KRT84: variants seen among roughly 807,000 people sequenced by gnomAD.
KRT84 encodes keratin, type II cuticular Hb4.
A neutral mutation model predicts 49.0 loss-of-function variants in KRT84; 38 were observed. That is an observed-to-expected ratio of 0.78 (90% CI 0.60 to 1.02). KRT84 has a LOEUF of 1.02. KRT84 is among the 50% of genes least tolerant of loss of function. The pLI is 0.00. For synonymous variants in KRT84, 334 were observed against 312.8 expected, an observed-to-expected ratio of 1.07 and a Z score of -0.72; for missense variants, 860 against 788.6, an observed-to-expected ratio of 1.09 and a Z score of -1.08.
intron 8 of KRT84, among the ~76,000 whole-genome samples, chr12:52,379,425 G>T (rs1791616): frequency 0.095 from 14,491 of 152,228 alleles, 1,331 homozygotes; most frequent in African/African-American, 0.24. Context: ...TGCCATGCCC[G>T]GCACACTGCC....
chr12:52,384,211 G>A lies in KRT84; in HGVS notation c.547-413C>T, dbSNP rs369478515. Among the ~76,000 whole-genome samples the A allele has an allele frequency of 3.3e-5, 5 of 152,116 alleles. No individual in the cohort carries two copies. The East Asian group carries it at 7.8e-4, about 24-fold the overall frequency. On this transcript the variant is annotated intron_variant, in intron 1 of 8. Transcript: ENST00000257951. ...GGTGGGATATGGTACTGGGAGGTAGGAATTCTCAGATTGTAAGTCCTATCC... is the reference window on the plus strand; with the variant it reads ...GGTGGGATATGGTACTGGGAGGTAGAAATTCTCAGATTGTAAGTCCTATCC...
chr12:52,381,926 T>C (rs946516673), intron 4 of KRT84, among the ~76,000 whole-genome samples: 2 of 152,180 alleles, frequency 1.3e-5, no homozygotes, highest in Non-Finnish European at 1.5e-5. Flanking sequence ...AATTCCTATA[T>C]CCCAAGCCCT....
chr12:52,379,911 G>C lies in KRT84; in HGVS notation c.1425-4C>G. The C allele has an allele frequency of 1.9e-6, 3 of 1,611,000 alleles. No homozygotes were observed. Among genetic ancestry groups the C allele is most frequent in the Non-Finnish European group, 2.5e-6 (3 of 1,177,306 alleles). On this transcript the variant is annotated splice_region_variant and splice_polypyrimidine_tract_variant and intron_variant, in intron 7 of 8. Transcript: ENST00000257951. ...TGGTCCAACACCTTCACAGAGCCTG[G>C]AAAGGGGAAGAAACAAATCATTTCA...
At chr12:52,383,843 G>A in intron 1 of KRT84, 45 bp from the exon 2 acceptor site, 4 of 1,517,494 alleles carry the variant, frequency 2.6e-6, no homozygotes, top group Non-Finnish European at 3.6e-6. Flanking sequence ...TGCTTGATAG[G>A]GTTCATGCCT....
rs754394359 is a variant in KRT84, at chr12:52,385,453, G to C, written c.133C>G (p.Arg45Gly). 8.1e-6 allele frequency: 13 copies of C among 1,614,196 alleles called. No homozygotes were observed. The South Asian group carries it at 1.4e-4, about 18-fold the overall frequency. ...SVSCWSGPGF[R>G]GLGSFGSRSV... ...CGACTACCAAAGCTGCCAAGGCCCC[G>C]GAATCCAGGCCCACTCCAACAGGAG... The change falls in exon 1 of 9, where the codon CGG (arginine) becomes GGG (glycine). Residue 45 changes from arginine to glycine, a missense_variant. Physicochemically the swap from Arg to Gly is moderately radical, Grantham distance 125. Transcript: ENST00000257951.
chr12:52,379,796 C>T lies in KRT84; in HGVS notation c.1456+80G>A, dbSNP rs1220985624. 8.1e-6 allele frequency: 10 copies of T among 1,241,436 alleles called. No homozygotes were observed. In the East Asian group the frequency reaches 1.9e-4, roughly 24 times the overall value. 76.9% of individuals were successfully genotyped at this position (1,241,436 alleles called of 1,614,324 possible). A position where few individuals can be genotyped will look rare whatever the true frequency, so the allele number is the denominator to read the frequency against. ...CCAGACCGGCCATGTCGGACGCCTC[C>T]TGACCCCAGTGTGAGCCTGAGTTTA... On this transcript the variant is annotated intron_variant, in intron 8 of 8. Coordinates refer to ENST00000257951, the MANE Select transcript of KRT84 (RefSeq NM_033045.4).
Position 52,385,194 on chromosome 12 carries a change from A to G in KRT84, c.392T>C (p.Val131Ala). The part of the protein sequence containing the change: ...GFGYRVGGVG[V>A]PAAPSITAVT... ...AGCTGTGATAGATGGGGCTGCTGGG[A>G]CTCCAACCCCTCCAACTCTGTAACC... The change falls in exon 1 of 9, where the codon GTC becomes GCC. Residue 131 changes from valine to alanine, a missense_variant. Coordinates refer to ENST00000257951, the MANE Select transcript of KRT84 (RefSeq NM_033045.4). The G allele has an allele frequency of 6.2e-7, 1 of 1,610,088 alleles. No homozygotes were observed. The highest frequency in any genetic ancestry group is 8.5e-7 in the Non-Finnish European group (1 of 1,177,408).
rs755481192 is a variant in KRT84 at position 52,382,534 on chromosome 12, T to G, written c.817-2A>C. The G allele has an allele frequency of 3.1e-6, 5 of 1,610,312 alleles. No individual in the cohort carries two copies. Among genetic ancestry groups the G allele is most frequent in the Non-Finnish European group, 3.4e-6 (4 of 1,176,512 alleles). On this transcript the variant is annotated splice_acceptor_variant, in intron 3 of 8. Coordinates refer to ENST00000257951, the MANE Select transcript of KRT84 (RefSeq NM_033045.4). LOFTEE classifies it high-confidence loss of function. ...GTTCATGAAAGCTGCATCCACATCC[T>G]GTATAAAACAGAGAAGGATAAATAC...
Position 52,380,449 on chromosome 12 carries a change from G to C in KRT84, c.1338C>G (p.Cys446Trp). ...QAKQDMARQL[C>W]EYQELMNAKL... is the part of the protein sequence containing the mutation. ...TGGCATTCATCAGCTCCTGGTACTC[G>C]CACAGCTGCCGCGCCATGTCCTGCT... The change falls in exon 7 of 9, where the codon TGC becomes TGG. Residue 446 changes from cysteine to tryptophan, a missense_variant. Cys to Trp is a radical substitution (Grantham distance 215, BLOSUM62 -2). Coordinates refer to ENST00000257951, the MANE Select transcript of KRT84 (RefSeq NM_033045.4). 2 of 1,614,160 alleles carry C rather than the reference G, an allele frequency of 1.2e-6. No homozygotes were observed. Among genetic ancestry groups the C allele is most frequent in the South Asian group, 1.1e-5 (1 of 91,076 alleles).
chr12:52,383,126 C>A, intron 2 of KRT84, 61 bp from the exon 3 acceptor site: 3 of 1,371,788 alleles, frequency 2.2e-6, no homozygotes, highest in Non-Finnish European at 3.1e-6. Flanking sequence ...TTACTCCCAA[C>A]TCCCCAGTGA....
chr12:52,383,674 T>G lies in KRT84; in HGVS notation c.671A>C (p.Gln224Pro). 6.2e-7 allele frequency: 1 copy of G among 1,614,204 alleles called. No homozygotes were observed. The highest frequency in any genetic ancestry group is 8.5e-7 in the Non-Finnish European group (1 of 1,180,030). ...CTGATCACTGACCAGCACCTCCAAC[T>G]GCCTCCGCAGGTTGGTGATGTAGCT... is the stretch of plus-strand genomic sequence containing the variant. ...FESYITNLRR[Q>P]LEVLVSDQAR... is the part of the protein sequence containing the mutation. The change falls in exon 2 of 9, where the codon CAG (glutamine) becomes CCG (proline). Residue 224 changes from glutamine (Q) to proline (P), a missense_variant. Gln to Pro is a moderately conservative substitution (Grantham distance 76). Coordinates refer to ENST00000257951, the MANE Select transcript of KRT84 (RefSeq NM_033045.4).
Position 52,383,706 on chromosome 12 carries a change from G to A in KRT84, c.639C>T (p.Leu213=), listed in dbSNP as rs750830954. ...QKCIRSNLEP[L]FESYITNLRR... Reference sequence around the variant, plus strand: ...GCAGGTTGGTGATGTAGCTCTCGAAGAGTGGCTCCAGATTGCTCCTGATAC... The same window carrying A: ...GCAGGTTGGTGATGTAGCTCTCGAAAAGTGGCTCCAGATTGCTCCTGATAC... The change falls in exon 2 of 9, where the codon CTC becomes CTT. Residue 213 remains leucine, a synonymous_variant. Coordinates refer to ENST00000257951, the MANE Select transcript of KRT84 (RefSeq NM_033045.4). 3 of 1,614,186 alleles carry A rather than the reference G, an allele frequency of 1.9e-6. No homozygotes were observed. Among genetic ancestry groups the A allele is most frequent in the Non-Finnish European group, 2.5e-6 (3 of 1,180,014 alleles).
In KRT84 at chr12:52,381,403, G is replaced by A; in HGVS notation, c.1035C>T (p.Ala345=). 1 of 1,614,172 alleles carries A rather than the reference G, an allele frequency of 6.2e-7. No homozygotes were observed. Among genetic ancestry groups the A allele is most frequent in the Non-Finnish European group, 8.5e-7 (1 of 1,180,036 alleles). ...AEVKAQYEEV[A]RRSRADAEAW... is the part of the protein sequence containing the mutation. ...CCTCAGCATCAGCCCGGCTGCGCCTGGCCACCTCCTCATACTGGGCCTTGA... is the reference window on the plus strand; with the variant it reads ...CCTCAGCATCAGCCCGGCTGCGCCTAGCCACCTCCTCATACTGGGCCTTGA... Residue 345 remains alanine, a synonymous_variant, in exon 5 of 9, where the codon GCC becomes GCT. Transcript: ENST00000257951.
chr12:52,378,320 G>A lies in KRT84; in HGVS notation c.1517C>T (p.Thr506Ile), dbSNP rs981541080. 3.3e-6 allele frequency: 5 copies of A among 1,531,770 alleles called. No homozygotes were observed. Among genetic ancestry groups the A allele is most frequent in the African/African-American group, 1.4e-5 (1 of 72,578 alleles). The allele number at this position is 1,531,770 out of a possible 1,614,324, so 94.9% of individuals were successfully genotyped here. Residue 506 changes from threonine (T) to isoleucine (I), a missense_variant, in exon 9 of 9, where the codon ACC (threonine) becomes ATC (isoleucine). By Grantham distance (89) the Thr-to-Ile change is moderately conservative (BLOSUM62 -1). Transcript: ENST00000257951. ...CGPEPLVAGS[T>I]LSRGGVTFSG... ...GAAGGTGACCCCGCCGCGGGAGAGG[G>A]TGGAGCCGGCAACCAAAGGCTCAGG...
At chr12:52,386,925 G>A (rs1318258666), upstream of KRT84, among the ~76,000 whole-genome samples, 1 of 152,156 alleles carries the variant, frequency 6.6e-6, no homozygotes, top group Non-Finnish European at 1.5e-5. Context: ...GGGGATGTAT[G>A]CTTTTGACCA....
rs374821461 is a variant in KRT84 at position 52,379,869 on chromosome 12, T to C, written c.1456+7A>G. Reference sequence around the variant, plus strand: ...AATGTGTGAAGAGGAAAAAACAAGTTTCTTACATATGTTTACTGGTCCAAC... The same window carrying C: ...AATGTGTGAAGAGGAAAAAACAAGTCTCTTACATATGTTTACTGGTCCAAC... On this transcript the variant is annotated splice_region_variant and intron_variant, in intron 8 of 8. Transcript: ENST00000257951. 1.2e-6 allele frequency: 2 copies of C among 1,609,434 alleles called. No homozygotes were observed. The highest frequency in any genetic ancestry group is 8.5e-7 in the Non-Finnish European group (1 of 1,175,932).
At position 52,383,722 on chromosome 12, in the gene KRT84, C is replaced by T. The variant is rs1251320907; in HGVS notation, c.623G>A (p.Ser208Asn). ...GCTCTCGAAGAGTGGCTCCAGATTG[C>T]TCCTGATACATTTCTGCTCTTGGAG... ...SFLQEQKCIR[S>N]NLEPLFESYI... is the part of the protein sequence containing the mutation. Residue 208 changes from serine (S) to asparagine (N), a missense_variant, in exon 2 of 9, where the codon AGC (serine) becomes AAC (asparagine). Transcript: ENST00000257951. 4 of 1,614,120 alleles carry T rather than the reference C, an allele frequency of 2.5e-6. No homozygotes were observed. Among genetic ancestry groups the T allele is most frequent in the Non-Finnish European group, 3.4e-6 (4 of 1,179,976 alleles).
Position 52,381,186 on chromosome 12 carries a change from G to A in KRT84, c.1097C>T (p.Thr366Ile). The change falls in exon 6 of 9, where the codon ACA becomes ATA. Residue 366 changes from threonine to isoleucine, a missense_variant. Physicochemically the swap from Thr to Ile is moderately conservative, Grantham distance 89. Transcript: ENST00000257951. ...YQTKYEEMQV[T>I]AGQHCDNLRN... Reference sequence around the variant, plus strand: ...CAGGTTGTCACAGTGTTGGCCAGCTGTCACCTGCATCTCTTCATACTGCGG... The same window carrying A: ...CAGGTTGTCACAGTGTTGGCCAGCTATCACCTGCATCTCTTCATACTGCGG... 5 of 1,614,164 alleles carry A rather than the reference G, an allele frequency of 3.1e-6. No homozygotes were observed. The highest frequency in any genetic ancestry group is 4.2e-6 in the Non-Finnish European group (5 of 1,180,024).
At chr12:52,384,224 G>A (rs1422235944) in intron 1 of KRT84, among the ~76,000 whole-genome samples, 2 of 149,500 alleles carry the variant, frequency 1.3e-5, no homozygotes, top group South Asian at 2.2e-4. Flanking sequence ...TTCTCAGATT[G>A]TAAGTCCTAT....
Sources: gnomAD v4.1 joint callset for allele counts (sites outside exome capture counted in the v4.1 genomes callset) on GRCh38, gnomAD v4.1.1 for gene constraint, MANE v1.5 for transcripts, NCBI Gene and HGNC (gene_info 2026-07-23, HGNC 2026-07-21) for gene names.